The following DOCK3 variants were observed in gnomAD, a reference collection of about 807,000 sequenced individuals.
DOCK3 encodes the protein dedicator of cytokinesis protein 3.
Under a neutral mutation model 265.6 loss-of-function variants are expected in DOCK3, and 60 were observed. The ratio of observed to expected loss-of-function variants is 0.23; its 90% CI spans 0.18 to 0.28. The LOEUF (loss-of-function observed/expected upper bound fraction) is 0.28. Ranked by LOEUF, DOCK3 falls within the 10% of genes least tolerant of loss-of-function variation. The pLI, the probability that DOCK3 is intolerant of heterozygous loss-of-function variation, is 1.00. For synonymous variants in DOCK3, 881 were observed against 938.0 expected, an observed-to-expected ratio of 0.94 and a Z score of 1.11; for missense variants, 1,981 against 2,594.3, an observed-to-expected ratio of 0.76 and a Z score of 5.14.
intron 2 of DOCK3, among the ~76,000 whole-genome samples, chr3:50,797,601 A>G (rs1254687798): frequency 1.3e-5 from 2 of 152,192 alleles, no homozygotes; most frequent in Non-Finnish European, 2.9e-5. Flanking sequence ...GCACCTCCGT[A>G]CTGTTCTCCA....
chr3:51,000,448 A>G lies in DOCK3; in HGVS notation c.316-64000A>G, dbSNP rs573418482. On this transcript the variant is annotated intron_variant, in intron 5 of 52. Coordinates refer to ENST00000266037, the MANE Select transcript of DOCK3 (RefSeq NM_004947.5). ...CACAGCTTGCTGCCTGACTGCTACC[A>G]CTGCTTTAAGACTGTTGCCTTGCTG... 5.3e-5 allele frequency among the ~76,000 whole-genome samples: 8 copies of G among 152,332 alleles called. No homozygotes were observed. The East Asian group carries it at 1.5e-3, about 29-fold the overall frequency.
chr3:51,120,386 T>C (rs2083956110), intron 9 of DOCK3, among the ~76,000 whole-genome samples: 1 of 152,122 alleles, frequency 6.6e-6, no homozygotes, highest in Admixed American at 6.5e-5. Flanking sequence ...AGCTCTGCTG[T>C]ATGAGGTGTC....
intron 5 of DOCK3, among the ~76,000 whole-genome samples, chr3:50,935,513 G>T (rs2051310424): frequency 6.6e-6 from 1 of 152,152 alleles, no homozygotes; most frequent in South Asian, 2.1e-4. Flanking sequence ...AACTTTCCAT[G>T]GAGAAACCTG....
chr3:50,811,467 G>GAA (rs1009726083), intron 2 of DOCK3, among the ~76,000 whole-genome samples: 7 of 152,000 alleles, frequency 4.6e-5, no homozygotes, highest in Non-Finnish European at 8.8e-5. Context: ...GAAAGAAAAA[G>GAA]AGTCATTCAT....
chr3:50,886,672 T>C (rs1364786912), intron 3 of DOCK3, among the ~76,000 whole-genome samples: 1 of 151,570 alleles, frequency 6.6e-6, no homozygotes, highest in East Asian at 1.9e-4. Context: ...GTTTGATTTT[T>C]TGTCCTTGCG....
At chr3:51,325,461 G>T (rs766696154) in intron 32 of DOCK3, among the ~76,000 whole-genome samples, 1 of 152,182 alleles carries the variant, frequency 6.6e-6, no homozygotes, top group Non-Finnish European at 1.5e-5. Context: ...TACACTGTTC[G>T]TGGGAGTGTA....
intron 2 of DOCK3, among the ~76,000 whole-genome samples, chr3:50,819,966 TA>T (rs1356685265): frequency 6.6e-6 from 1 of 151,604 alleles, no homozygotes; most frequent in South Asian, 2.1e-4. Flanking sequence ...CGTCTCAAAA[TA>T]AAAAACAACA....
At chr3:51,193,274 T>C (rs1043663843) in intron 12 of DOCK3, among the ~76,000 whole-genome samples, 29 of 152,236 alleles carry the variant, frequency 1.9e-4, no homozygotes, top group African/African-American at 6.3e-4. Context: ...TGCAACTTGA[T>C]CATAATGTAT....
chr3:50,875,627 A>G (rs2047667027), intron 3 of DOCK3, among the ~76,000 whole-genome samples: 1 of 152,222 alleles, frequency 6.6e-6, no homozygotes, highest in South Asian at 2.1e-4. Flanking sequence ...ATGTTCAACC[A>G]TCCTTGATTC....
chr3:50,723,033 A>T (rs2037573465), intron 1 of DOCK3, among the ~76,000 whole-genome samples: 2 of 152,094 alleles, frequency 1.3e-5, no homozygotes, highest in African/African-American at 2.4e-5. Context: ...CCTGGCCCCC[A>T]AAGTTCAGGG....
At chr3:51,230,190 A>T (rs1387645052) in intron 19 of DOCK3, among the ~76,000 whole-genome samples, 2 of 152,184 alleles carry the variant, frequency 1.3e-5, no homozygotes, top group African/African-American at 4.8e-5. Context: ...GCATTACATG[A>T]TGCTGAGGTT....
At chr3:50,762,294 A>G (rs925431657) in intron 1 of DOCK3, among the ~76,000 whole-genome samples, 2 of 152,126 alleles carry the variant, frequency 1.3e-5, no homozygotes, top group Non-Finnish European at 2.9e-5. Context: ...TAAGGTAGGG[A>G]GGCTTTTTAA....
chr3:51,098,656 C>A (rs1437130968), intron 9 of DOCK3, among the ~76,000 whole-genome samples: 1 of 152,186 alleles, frequency 6.6e-6, no homozygotes, highest in Non-Finnish European at 1.5e-5. Context: ...TTTAGGCAGT[C>A]CACTAATAGA....
At chr3:50,775,394 TG>T (rs1297673751) in intron 1 of DOCK3, among the ~76,000 whole-genome samples, 1 of 152,104 alleles carries the variant, frequency 6.6e-6, no homozygotes, top group East Asian at 1.9e-4. Flanking sequence ...TCAAATTAGT[TG>T]GTATAAGTTT....
chr3:50,718,402 A>T (rs1320818579), intron 1 of DOCK3, among the ~76,000 whole-genome samples: 1 of 152,200 alleles, frequency 6.6e-6, no homozygotes, highest in African/African-American at 2.4e-5. Context: ...TCTTTCCTTC[A>T]GTGTCTTTAA....
At chr3:50,718,497 T>C (rs2037265388) in intron 1 of DOCK3, among the ~76,000 whole-genome samples, 1 of 152,198 alleles carries the variant, frequency 6.6e-6, no homozygotes, top group South Asian at 2.1e-4. Context: ...TTCATTTTTC[T>C]TTTTAAGTTT....
intron 27 of DOCK3, among the ~76,000 whole-genome samples, chr3:51,308,758 C>A (rs1421488889): frequency 6.6e-6 from 1 of 152,132 alleles, no homozygotes; most frequent in Non-Finnish European, 1.5e-5. Context: ...GGGGTGGTGG[C>A]CGGGCAGAGG....
intron 5 of DOCK3, among the ~76,000 whole-genome samples, chr3:50,983,873 C>T (rs926844563): frequency 1.3e-5 from 2 of 152,154 alleles, no homozygotes; most frequent in Admixed American, 1.3e-4. Context: ...TGGGGTATGA[C>T]TCGAGCCAGG....
chr3:50,829,320 C>T (rs2044983704), intron 2 of DOCK3, among the ~76,000 whole-genome samples: 1 of 152,100 alleles, frequency 6.6e-6, no homozygotes, highest in Non-Finnish European at 1.5e-5. Flanking sequence ...TTATTGATTT[C>T]TCCTAAATGT....
Sources: gnomAD v4.1 joint callset for allele counts (sites outside exome capture counted in the v4.1 genomes callset) on GRCh38, gnomAD v4.1.1 for gene constraint, MANE v1.5 for transcripts, NCBI Gene and HGNC (gene_info 2026-07-23, HGNC 2026-07-21) for gene names.